The following RAPGEF4 variants were observed in gnomAD, a reference collection of about 807,000 sequenced individuals.
RAPGEF4 encodes RAP guanine-nucleotide-exchange factor (GEF) 4.
RAPGEF4 carries 66 observed loss-of-function variants against 147.9 expected under a neutral mutation model. The ratio of observed to expected loss-of-function variants is 0.45; its 90% CI spans 0.37 to 0.55. RAPGEF4 has a LOEUF of 0.55. Ranked by LOEUF, RAPGEF4 falls within the 20% of genes least tolerant of loss-of-function variation. The pLI, the probability that RAPGEF4 is intolerant of heterozygous loss-of-function variation, is 0.00. For synonymous variants in RAPGEF4, 419 were observed against 442.7 expected, an observed-to-expected ratio of 0.95 and a Z score of 0.67; for missense variants, 1,071 against 1,257.3, an observed-to-expected ratio of 0.85 and a Z score of 2.24.
chr2:173,013,510 T>C (rs1695216557), intron 17 of RAPGEF4, among the ~76,000 whole-genome samples: 1 of 152,230 alleles, frequency 6.6e-6, no homozygotes. Context: ...TAAGTTGTTT[T>C]ATGAACTAAT....
intron 6 of RAPGEF4, among the ~76,000 whole-genome samples, chr2:172,923,393 C>G (rs1284062445): frequency 2.6e-5 from 4 of 152,088 alleles, no homozygotes; most frequent in Non-Finnish European, 5.9e-5. Context: ...CTCAGCCTGC[C>G]GAATAGCTGG....
intron 17 of RAPGEF4, among the ~76,000 whole-genome samples, chr2:173,010,579 G>A (rs1694906311): frequency 6.6e-6 from 1 of 152,162 alleles, no homozygotes; most frequent in Non-Finnish European, 1.5e-5. Context: ...TGAGACAAGG[G>A]AACTAGTAGG....
chr2:172,741,097 T>C (rs1694255084), intron 1 of RAPGEF4, among the ~76,000 whole-genome samples: 1 of 152,182 alleles, frequency 6.6e-6, no homozygotes, highest in South Asian at 2.1e-4. Context: ...CAACAGAGCC[T>C]GGGAATTGGA....
At chr2:172,735,833 C>A (rs1206836601), upstream of RAPGEF4, 3 of 505,968 alleles carry the variant, frequency 5.9e-6, no homozygotes, top group Non-Finnish European at 8.4e-6. Flanking sequence ...CGCGGGAGCC[C>A]GCGGGGAGGG....
At chr2:172,983,841 G>A (rs1470246550) in intron 11 of RAPGEF4, among the ~76,000 whole-genome samples, 1 of 152,298 alleles carries the variant, frequency 6.6e-6, no homozygotes, top group South Asian at 2.1e-4. Context: ...TGGAACATGG[G>A]CTTCATCCCT....
intron 4 of RAPGEF4, among the ~76,000 whole-genome samples, chr2:172,847,890 A>T (rs1025290871): frequency 6.6e-6 from 1 of 152,132 alleles, no homozygotes; most frequent in Non-Finnish European, 1.5e-5. Context: ...TTTCATGGTT[A>T]TTGATTGGGG....
At chr2:172,844,611 T>TA (rs1487488724) in intron 4 of RAPGEF4, among the ~76,000 whole-genome samples, 1 of 152,114 alleles carries the variant, frequency 6.6e-6, no homozygotes, top group Non-Finnish European at 1.5e-5. Flanking sequence ...ATCCAGCAAC[T>TA]AAAAAAACAC....
intron 25 of RAPGEF4, among the ~76,000 whole-genome samples, chr2:173,027,657 C>A (rs1696792033): frequency 6.6e-6 from 1 of 152,214 alleles, no homozygotes; most frequent in African/African-American, 2.4e-5. Context: ...GTGCAGCATG[C>A]ATGTACAGCA....
chr2:172,856,988 TCTGC>T (rs1230395602), intron 4 of RAPGEF4, among the ~76,000 whole-genome samples: 2 of 118,896 alleles, frequency 1.7e-5, no homozygotes, highest in African/African-American at 6.5e-5. Flanking sequence ...CGCCTTTATT[TCTGC>T]CTGTTCTCAG....
chr2:173,020,737 A>C (rs754706749), intron 23 of RAPGEF4, 22 bp downstream of exon 23: 1 of 1,585,456 alleles, frequency 6.3e-7, no homozygotes. Context: ...TGGCCTGCTC[A>C]GAGCAGCATT....
chr2:172,967,257 A>G lies in RAPGEF4; in HGVS notation c.821-4A>G, dbSNP rs1302239403. ...GCTGACACGTGCTTCCATGTTTCCC[A>G]TAGTGGACCAGGAGCACCATTTCCA... On this transcript the variant is annotated splice_region_variant and splice_polypyrimidine_tract_variant and intron_variant, in intron 9 of 30. Transcript: ENST00000397081. 1.2e-5 allele frequency: 20 copies of G among 1,610,614 alleles called. No individual in the cohort carries two copies. The highest frequency in any genetic ancestry group is 1.9e-4 in the Middle Eastern group (1 of 5,330).
chr2:172,847,304 G>A (rs1316398714), intron 4 of RAPGEF4, among the ~76,000 whole-genome samples: 1 of 152,072 alleles, frequency 6.6e-6, no homozygotes, highest in Non-Finnish European at 1.5e-5. Flanking sequence ...GTGCTCCTAG[G>A]GTCACCCTGA....
At chr2:172,896,198 G>T (rs1218967874) in intron 4 of RAPGEF4, among the ~76,000 whole-genome samples, 9 of 152,180 alleles carry the variant, frequency 5.9e-5, no homozygotes, top group African/African-American at 9.6e-5. Context: ...TTCCTTTTCA[G>T]GTCTTTGATT....
intron 27 of RAPGEF4, 53 bp from the exon 28 acceptor site, chr2:173,036,072 A>G: frequency 7.5e-7 from 1 of 1,327,222 alleles, no homozygotes; most frequent in East Asian, 2.3e-5. Flanking sequence ...GAGGTAACAA[A>G]GGGTGGTGTA....
At chr2:172,955,375 G>A (rs1038885980) in intron 6 of RAPGEF4, among the ~76,000 whole-genome samples, 1 of 152,128 alleles carries the variant, frequency 6.6e-6, no homozygotes, top group African/African-American at 2.4e-5. Context: ...CATAATACAA[G>A]GCAGTAGAAA....
chr2:172,922,173 T>C, intron 5 of RAPGEF4, 108 bp from the exon 6 acceptor site: 1 of 1,037,502 alleles, frequency 9.6e-7, no homozygotes, highest in Non-Finnish European at 1.5e-6. Context: ...GAAATGCAAA[T>C]TGAAAACACT....
intron 6 of RAPGEF4, among the ~76,000 whole-genome samples, chr2:172,952,867 A>G (rs1405387113): frequency 6.6e-6 from 1 of 152,244 alleles, no homozygotes; most frequent in Non-Finnish European, 1.5e-5. Flanking sequence ...AAACAATCTT[A>G]CATTGTAAGT....
chr2:172,976,210 G>A (rs887416892), intron 10 of RAPGEF4, among the ~76,000 whole-genome samples: 7 of 152,216 alleles, frequency 4.6e-5, no homozygotes, highest in African/African-American at 1.7e-4. Flanking sequence ...TAAGGTGAGG[G>A]GGTGGTGGCA....
At chr2:172,985,302 C>A in intron 11 of RAPGEF4, 131 bp from the exon 12 acceptor site, 2 of 1,234,394 alleles carry the variant, frequency 1.6e-6, no homozygotes, top group East Asian at 2.4e-5. Context: ...AGAGCAGCAG[C>A]AAGAGAGGTG....
Sources: gnomAD v4.1 joint callset for allele counts (sites outside exome capture counted in the v4.1 genomes callset) on GRCh38, gnomAD v4.1.1 for gene constraint, MANE v1.5 for transcripts, NCBI Gene and HGNC (gene_info 2026-07-23, HGNC 2026-07-21) for gene names.